The following TTC6 variants were observed in gnomAD, a reference collection of about 807,000 sequenced individuals.
TTC6 encodes the protein tetratricopeptide repeat domain 6.
A neutral mutation model predicts 210.4 loss-of-function variants in TTC6; 172 were observed. That is an observed-to-expected ratio of 0.82 (90% CI 0.72 to 0.93). The LOEUF (loss-of-function observed/expected upper bound fraction) is 0.93. Among genes scored for constraint, TTC6 ranks in the 40% least tolerant of loss-of-function variants. TTC6 has a pLI of 0.00. For missense variants in TTC6, 2,414 were observed against 2,318.1 expected, an observed-to-expected ratio of 1.04 and a Z score of -0.85; for synonymous variants, 804 against 819.6, an observed-to-expected ratio of 0.98 and a Z score of 0.32.
intron 14 of TTC6, among the ~76,000 whole-genome samples, chr14:37,782,634 A>G (rs1367364023): frequency 5.3e-5 from 8 of 152,116 alleles, no homozygotes; most frequent in African/African-American, 1.4e-4. Context: ...TCTCCTGCCT[A>G]ATTGCCCTGG....
At chr14:37,651,238 C>T (rs2095710509) in intron 1 of TTC6, among the ~76,000 whole-genome samples, 2 of 151,196 alleles carry the variant, frequency 1.3e-5, no homozygotes, top group Non-Finnish European at 2.9e-5. Flanking sequence ...CTTCCCTGCT[C>T]CTTTTCTTTT....
At chr14:37,735,627 A>G (rs899417881) in intron 7 of TTC6, among the ~76,000 whole-genome samples, 1 of 152,188 alleles carries the variant, frequency 6.6e-6, no homozygotes, top group East Asian at 1.9e-4. Context: ...GTGTTAACCT[A>G]TGAGATCATA....
chr14:37,681,771 T>C (rs2095784227), intron 2 of TTC6, among the ~76,000 whole-genome samples: 2 of 152,122 alleles, frequency 1.3e-5, no homozygotes, highest in Non-Finnish European at 1.5e-5. Context: ...TTTGAAAATT[T>C]TGGACTTGGA....
chr14:37,612,436 C>A (rs1368641439), intron 2 of TTC6, among the ~76,000 whole-genome samples: 1 of 152,108 alleles, frequency 6.6e-6, no homozygotes, highest in African/African-American at 2.4e-5. Context: ...TAGTGCAAGT[C>A]CTCTAGCCTT....
chr14:37,602,759 G>A (rs1465476204), intron 1 of TTC6, among the ~76,000 whole-genome samples: 1 of 152,136 alleles, frequency 6.6e-6, no homozygotes, highest in South Asian at 2.1e-4. Context: ...GGGGGAGAGG[G>A]GGTCGGAACT....
chr14:37,682,027 T>C (rs2095784964), intron 2 of TTC6, among the ~76,000 whole-genome samples: 1 of 152,004 alleles, frequency 6.6e-6, no homozygotes, highest in African/African-American at 2.4e-5. Flanking sequence ...ATAGAAGCTG[T>C]GTTCTGGTGT....
chr14:37,680,151 G>A, exon 2 of TTC6: 6 of 1,510,162 alleles, frequency 4.0e-6, no homozygotes, highest in Non-Finnish European at 5.3e-6. Context: ...CTCATTCAAG[G>A]ATATTTCTTT....
At chr14:37,649,501 G>A (rs537314310) in intron 1 of TTC6, among the ~76,000 whole-genome samples, 3 of 152,282 alleles carry the variant, frequency 2.0e-5, no homozygotes, top group African/African-American at 7.2e-5. Context: ...GCAGACAAAG[G>A]AAATGGCACT....
chr14:37,761,816 T>G (rs754978903), intron 14 of TTC6, among the ~76,000 whole-genome samples: 1 of 152,220 alleles, frequency 6.6e-6, no homozygotes, highest in South Asian at 2.1e-4. Flanking sequence ...GTGGCTCTAG[T>G]TTCTTCACTT....
intron 6 of TTC6, among the ~76,000 whole-genome samples, chr14:37,715,528 G>T (rs1566906204): frequency 2.0e-5 from 3 of 151,856 alleles, no homozygotes; most frequent in African/African-American, 7.3e-5. Context: ...TATCAGATAA[G>T]ATAGACTTCC....
intron 4 of TTC6, among the ~76,000 whole-genome samples, chr14:37,700,325 C>T (rs1031621638): frequency 6.6e-6 from 1 of 152,088 alleles, no homozygotes; most frequent in Non-Finnish European, 1.5e-5. Flanking sequence ...ATTATACCTC[C>T]AATACAGCTT....
intron 1 of TTC6, among the ~76,000 whole-genome samples, chr14:37,629,348 A>AT (rs1275577735): frequency 3.3e-5 from 5 of 149,544 alleles, no homozygotes; most frequent in East Asian, 4.0e-4. Context: ...ATTCCTAGTT[A>AT]TTTTTTTTTC....
chr14:37,823,650 A>C, intron 26 of TTC6, 97 bp from the exon 29 acceptor site: 1 of 1,116,320 alleles, frequency 9.0e-7, no homozygotes, highest in South Asian at 1.5e-5. Flanking sequence ...GAGTCAATTC[A>C]AATCTTTATG....
intron 3 of TTC6, 138 bp downstream of exon 5, chr14:37,683,102 C>A (rs1036796485): frequency 1.4e-6 from 1 of 704,944 alleles, no homozygotes; most frequent in South Asian, 2.0e-5. Context: ...GAAAAGGGGG[C>A]CTCAGAAGTG....
At chr14:37,821,313 C>T (rs1452816847) in intron 26 of TTC6, among the ~76,000 whole-genome samples, 1 of 152,122 alleles carries the variant, frequency 6.6e-6, no homozygotes, top group Admixed American at 6.5e-5. Flanking sequence ...AGGTGATCCA[C>T]CTGTCCTGGC....
chr14:37,766,900 A>G (rs2096001178), intron 14 of TTC6, among the ~76,000 whole-genome samples: 2 of 152,100 alleles, frequency 1.3e-5, no homozygotes, highest in Non-Finnish European at 2.9e-5. Flanking sequence ...CACTGCACCC[A>G]CTAACTCGTC....
At position 37,748,482 on chromosome 14, in the gene TTC6, C is replaced by A. The variant is rs1444346275; in HGVS notation, c.2364-457C>A. On this transcript the variant is annotated intron_variant, in intron 10 of 30. Transcript: ENST00000553443. ...AGGTATTATTTAATTTGATAGCCTA[C>A]TAGGAGGAGGGTAAAACTGGGATGT... 3.3e-5 allele frequency among the ~76,000 whole-genome samples: 5 copies of A among 152,190 alleles called. No homozygotes were observed. In the East Asian group the frequency reaches 5.8e-4, roughly 18 times the overall value.
At chr14:37,676,112 C>T (rs558262899) in intron 1 of TTC6, among the ~76,000 whole-genome samples, 11 of 152,004 alleles carry the variant, frequency 7.2e-5, no homozygotes, top group South Asian at 4.2e-4. Flanking sequence ...ATATTAATGA[C>T]GGTGATTCTG....
At chr14:37,842,229 G>A (rs938936293) in exon 31 of TTC6, 2 of 1,609,966 alleles carry the variant, frequency 1.2e-6, no homozygotes, top group Non-Finnish European at 1.7e-6. Flanking sequence ...AGGTCTGATT[G>A]AGGAAGCTAT....
Sources: gnomAD v4.1 joint callset for allele counts (sites outside exome capture counted in the v4.1 genomes callset) on GRCh38, gnomAD v4.1.1 for gene constraint, MANE v1.5 for transcripts, NCBI Gene and HGNC (gene_info 2026-07-23, HGNC 2026-07-21) for gene names.